FBXO25: variants seen among roughly 807,000 people sequenced by gnomAD.
The protein encoded by FBXO25 is F-box protein 25, also known as F-box only protein 25.
Under a neutral mutation model 51.9 loss-of-function variants are expected in FBXO25, and 45 were observed. The observed-to-expected ratio is 0.87, with a 90% CI of 0.68 to 1.11. FBXO25 has a LOEUF of 1.11. Among genes scored for constraint, FBXO25 ranks in the 50% most tolerant of loss-of-function variants. FBXO25 has a pLI of 0.00. For synonymous variants in FBXO25, 199 were observed against 151.0 expected (o/e 1.32, Z -2.33); for missense variants, 507 against 428.5 (o/e 1.18, Z -1.62).
At chr8:436,287 T>C (rs1203074667) in intron 5 of FBXO25, among the ~76,000 whole-genome samples, 1 of 152,182 alleles carries the variant, frequency 6.6e-6, no homozygotes, top group Admixed American at 6.5e-5. Context: ...TTAATTACTA[T>C]GTGGTTTATG....
rs1026069036 is a variant in FBXO25 at position 475,110 on chromosome 8, C to T, written c.*6306C>T. The T allele has an allele frequency of 2.7e-6, 1 of 364,122 alleles. No individual in the cohort carries two copies. The highest frequency in any genetic ancestry group is 2.1e-5 in the African/African-American group (1 of 46,814). The allele number at this position is 364,122 out of a possible 1,614,324, so 22.6% of individuals were successfully genotyped here. A position where few individuals can be genotyped will look rare whatever the true frequency, so the allele number is the denominator to read the frequency against. ...TTTAGTTTTAGCTCTTAGTTTAGGC[C>T]TTTGATCTATTTTAATTTTTATATA... is the stretch of plus-strand genomic sequence containing the variant. On this transcript the variant is annotated 3_prime_UTR_variant, in exon 10 of 10. Transcript: ENST00000350302.
intron 1 of FBXO25, among the ~76,000 whole-genome samples, chr8:408,510 C>A (rs1420794783): frequency 6.6e-6 from 1 of 152,160 alleles, no homozygotes; most frequent in Non-Finnish European, 1.5e-5. Flanking sequence ...CATAATGAAA[C>A]TTGTAAAACA....
chr8:459,663 A>C (rs1229946605), intron 8 of FBXO25, among the ~76,000 whole-genome samples: 1 of 152,226 alleles, frequency 6.6e-6, no homozygotes, highest in Non-Finnish European at 1.5e-5. Flanking sequence ...GGGCTGCCAC[A>C]GGAAGGGGCT....
chr8:452,930 C>T (rs1399581400), intron 7 of FBXO25, among the ~76,000 whole-genome samples: 1 of 152,170 alleles, frequency 6.6e-6, no homozygotes, highest in Non-Finnish European at 1.5e-5. Context: ...GATCTTCTTT[C>T]CATTCATACT....
intron 2 of FBXO25, 42 bp downstream of exon 2, chr8:413,255 G>C (rs1484515681): frequency 6.6e-6 from 10 of 1,509,954 alleles, no homozygotes; most frequent in Non-Finnish European, 8.0e-6. Flanking sequence ...TGCCAGTTTA[G>C]CATGTATGGC....
chr8:441,671 G>GA (rs998403018), intron 5 of FBXO25, among the ~76,000 whole-genome samples: 3 of 151,894 alleles, frequency 2.0e-5, no homozygotes, highest in Non-Finnish European at 4.4e-5. Context: ...AAATTTACAA[G>GA]AAAAAAACAA....
intron 8 of FBXO25, among the ~76,000 whole-genome samples, chr8:459,756 G>A (rs1799686461): frequency 6.6e-6 from 1 of 152,196 alleles, no homozygotes; most frequent in South Asian, 2.1e-4. Context: ...GAGGACAGGA[G>A]GCAACGGGAT....
At chr8:419,490 A>C (rs1167534511) in intron 2 of FBXO25, among the ~76,000 whole-genome samples, 1 of 152,248 alleles carries the variant, frequency 6.6e-6, no homozygotes, top group Non-Finnish European at 1.5e-5. Flanking sequence ...AGGACCCCAG[A>C]TAAGTCCATA....
At chr8:458,640 G>C (rs1799608760) in intron 8 of FBXO25, 89 bp downstream of exon 8, 1 of 1,232,792 alleles carries the variant, frequency 8.1e-7, no homozygotes, top group Admixed American at 2.4e-5. Context: ...TGGAGAGAAA[G>C]AATGGCTGAG....
chr8:440,241 T>TC (rs1192415044), intron 5 of FBXO25, among the ~76,000 whole-genome samples: 1 of 152,226 alleles, frequency 6.6e-6, no homozygotes, highest in African/African-American at 2.4e-5. Context: ...AGCATCTACC[T>TC]CAGAGCACTG....
intron 8 of FBXO25, among the ~76,000 whole-genome samples, chr8:459,158 C>G (rs1799647385): frequency 6.6e-6 from 1 of 152,212 alleles, no homozygotes; most frequent in South Asian, 2.1e-4. Flanking sequence ...CCTCGTCACC[C>G]CACAGATGTC....
In FBXO25 at chr8:468,651, G is replaced by T. The variant is rs1800346036; in HGVS notation, c.988-64G>T. The T allele has an allele frequency of 3.1e-6, 4 of 1,290,038 alleles. No homozygotes were observed. In the South Asian group the frequency reaches 3.7e-5, roughly 12 times the overall value. 79.9% of individuals were successfully genotyped at this position (1,290,038 alleles called of 1,614,324 possible). ...CAACAAGCAGCTGACGACCCCTCAAGCACCATCACTAGAGTGTGGCTGGTG... is the reference window on the plus strand; with the variant it reads ...CAACAAGCAGCTGACGACCCCTCAATCACCATCACTAGAGTGTGGCTGGTG... On this transcript the variant is annotated intron_variant, in intron 9 of 9. Transcript: ENST00000350302.
chr8:413,300 A>G, intron 2 of FBXO25, 87 bp downstream of exon 2: 4 of 1,369,842 alleles, frequency 2.9e-6, no homozygotes, highest in Non-Finnish European at 3.8e-6. Flanking sequence ...AAAGCTCCAT[A>G]ACTTTTGAGA....
At chr8:431,695 T>C (rs1419002058) in intron 3 of FBXO25, among the ~76,000 whole-genome samples, 1 of 152,232 alleles carries the variant, frequency 6.6e-6, no homozygotes, top group Non-Finnish European at 1.5e-5. Flanking sequence ...GCTTGAATTA[T>C]GGTCATGAAT....
At chr8:464,247 C>T (rs990732361) in intron 9 of FBXO25, among the ~76,000 whole-genome samples, 4 of 152,244 alleles carry the variant, frequency 2.6e-5, no homozygotes, top group Admixed American at 2.0e-4. Flanking sequence ...TGAGCCATGG[C>T]ACCCGGCAAT....
At chr8:447,730 A>G (rs1342266174) in intron 5 of FBXO25, among the ~76,000 whole-genome samples, 2 of 152,228 alleles carry the variant, frequency 1.3e-5, no homozygotes, top group East Asian at 3.9e-4. Flanking sequence ...TATTACCTGA[A>G]GGTAATTTTA....
chr8:457,270 G>T (rs1456868879), intron 7 of FBXO25, among the ~76,000 whole-genome samples: 1 of 152,164 alleles, frequency 6.6e-6, no homozygotes, highest in East Asian at 1.9e-4. Context: ...AGAATGAAGG[G>T]ATTTATTTAG....
At chr8:430,642 G>A (rs567620913) in intron 2 of FBXO25, among the ~76,000 whole-genome samples, 1 of 152,238 alleles carries the variant, frequency 6.6e-6, no homozygotes, top group South Asian at 2.1e-4. Flanking sequence ...ATCAGTGTGT[G>A]GAAAATAAAA....
chr8:414,717 G>A (rs542780773), intron 2 of FBXO25, among the ~76,000 whole-genome samples: 6 of 152,016 alleles, frequency 3.9e-5, no homozygotes, highest in East Asian at 3.9e-4. Context: ...CTACAGATCC[G>A]CCCCTTTGAA....
Sources: gnomAD v4.1 joint callset for allele counts (sites outside exome capture counted in the v4.1 genomes callset) on GRCh38, gnomAD v4.1.1 for gene constraint, MANE v1.5 for transcripts, NCBI Gene and HGNC (gene_info 2026-07-23, HGNC 2026-07-21) for gene names.